The following VAMP4 variants were observed in gnomAD, a reference collection of about 807,000 sequenced individuals.
VAMP4 encodes the protein vesicle-associated membrane protein 4.
In VAMP4, 19 loss-of-function variants were observed where a neutral mutation model predicts 23.5. That is an observed-to-expected ratio of 0.81 (90% CI 0.56 to 1.19). VAMP4 has a LOEUF of 1.19. Among genes scored for constraint, VAMP4 ranks in the 50% most tolerant of loss-of-function variants. VAMP4 has a pLI of 0.00. For missense variants in VAMP4, 145 were observed against 168.6 expected (o/e 0.86, Z 0.78); for synonymous variants, 31 against 51.0 (o/e 0.61, Z 1.67).
At chr1:171,732,598 A>C (rs1220335726) in intron 2 of VAMP4, among the ~76,000 whole-genome samples, 1 of 152,140 alleles carries the variant, frequency 6.6e-6, no homozygotes, top group Non-Finnish European at 1.5e-5. Context: ...AATGTAAATA[A>C]AGGTGATTAG....
chr1:171,738,041 T>A (rs1655797977), intron 2 of VAMP4, among the ~76,000 whole-genome samples: 2 of 152,204 alleles, frequency 1.3e-5, no homozygotes, highest in South Asian at 2.1e-4. Context: ...AGATCACAGT[T>A]CACCACAGCC....
At chr1:171,723,361 T>C (rs772174978) in intron 3 of VAMP4, among the ~76,000 whole-genome samples, 2 of 152,146 alleles carry the variant, frequency 1.3e-5, no homozygotes, top group African/African-American at 2.4e-5. Context: ...CTCGTTCTAA[T>C]AGGCCTGGGA....
chr1:171,720,377 A>G (rs1179015753), intron 3 of VAMP4, among the ~76,000 whole-genome samples: 2 of 152,024 alleles, frequency 1.3e-5, no homozygotes, highest in Non-Finnish European at 2.9e-5. Context: ...AAAAAGCAGG[A>G]GCTATGTCTG....
chr1:171,737,565 A>G (rs1178118929), intron 2 of VAMP4, among the ~76,000 whole-genome samples: 1 of 152,184 alleles, frequency 6.6e-6, no homozygotes, highest in East Asian at 1.9e-4. Flanking sequence ...CTGAAAATCA[A>G]AAAGTTTTGG....
At chr1:171,717,747 A>G (rs1655065354) in intron 4 of VAMP4, among the ~76,000 whole-genome samples, 1 of 152,100 alleles carries the variant, frequency 6.6e-6, no homozygotes, top group Admixed American at 6.6e-5. Flanking sequence ...CACTGCACCC[A>G]GCTGTATCAT....
intron 1 of VAMP4, among the ~76,000 whole-genome samples, chr1:171,740,521 C>A (rs994847316): frequency 6.6e-6 from 1 of 152,150 alleles, no homozygotes; most frequent in African/African-American, 2.4e-5. Context: ...GTAACAAAAA[C>A]CAAATTCTTG....
Position 171,702,661 on chromosome 1 carries a change from A to G in VAMP4, c.*1845T>C, listed in dbSNP as rs1654484870. 1.3e-5 allele frequency: 2 copies of G among 152,004 alleles called. No homozygotes were observed. Among genetic ancestry groups the G allele is most frequent in the Admixed American group, 1.3e-4 (2 of 15,252 alleles). The allele number at this position is 152,004 out of a possible 1,614,324, so 9.4% of individuals were successfully genotyped here. On this transcript the variant is annotated 3_prime_UTR_variant, in exon 8 of 8. Transcript: ENST00000236192. ...GACTGATTCTGTCCATTCAGTTAAA[A>G]TATTTCCATTCCTGAATTATTAGCT...
intron 4 of VAMP4, among the ~76,000 whole-genome samples, chr1:171,712,469 T>TAA (rs1392157998): frequency 6.6e-6 from 1 of 152,196 alleles, no homozygotes; most frequent in Non-Finnish European, 1.5e-5. Context: ...TAGCAATTAC[T>TAA]AAGCTTGATG....
intron 7 of VAMP4, among the ~76,000 whole-genome samples, chr1:171,705,073 A>C (rs1654608276): frequency 1.3e-5 from 2 of 152,088 alleles, no homozygotes; most frequent in African/African-American, 4.8e-5. Flanking sequence ...CAAACACTAA[A>C]TTAGTGAATA....
intron 7 of VAMP4, among the ~76,000 whole-genome samples, chr1:171,705,536 G>A (rs1654621902): frequency 6.6e-6 from 1 of 152,016 alleles, no homozygotes; most frequent in Admixed American, 6.6e-5. Flanking sequence ...ACAATTTTTT[G>A]TTACTCTGAA....
intron 2 of VAMP4, among the ~76,000 whole-genome samples, chr1:171,731,010 C>T (rs1655545182): frequency 6.7e-6 from 1 of 150,248 alleles, no homozygotes; most frequent in Non-Finnish European, 1.5e-5. Flanking sequence ...CGAGACCATC[C>T]TGGCTAACAT....
At chr1:171,722,063 A>T (rs1203570294) in intron 3 of VAMP4, among the ~76,000 whole-genome samples, 2 of 152,216 alleles carry the variant, frequency 1.3e-5, no homozygotes, top group Non-Finnish European at 2.9e-5. Context: ...AGAGATATAG[A>T]CCAATGGAAC....
intron 6 of VAMP4, among the ~76,000 whole-genome samples, chr1:171,707,482 C>T (rs181744756): frequency 2.4e-4 from 36 of 152,210 alleles, no homozygotes; most frequent in African/African-American, 7.5e-4. Flanking sequence ...TCCTGATCTG[C>T]GTTCTGCCCT....
intron 7 of VAMP4, 152 bp from the exon 8 acceptor site, chr1:171,704,686 G>C (rs1654591766): frequency 4.2e-6 from 2 of 475,644 alleles, no homozygotes; most frequent in Non-Finnish European, 7.0e-6. Flanking sequence ...TAATCAATGG[G>C]AAAGGAGAAG....
At chr1:171,713,736 C>A (rs968651714) in intron 4 of VAMP4, among the ~76,000 whole-genome samples, 2 of 152,036 alleles carry the variant, frequency 1.3e-5, no homozygotes, top group South Asian at 2.1e-4. Context: ...TGGGAGGCTG[C>A]GGTGGGAGAT....
At chr1:171,713,840 A>AT (rs1553259074) in intron 4 of VAMP4, among the ~76,000 whole-genome samples, 2 of 152,130 alleles carry the variant, frequency 1.3e-5, no homozygotes, top group Non-Finnish European at 2.9e-5. Context: ...AGGAAAAAAA[A>AT]CATAACCCTT....
chr1:171,728,509 TA>T lies in VAMP4; in HGVS notation c.113+14del, dbSNP rs750811239. On this transcript the variant is annotated intron_variant, in intron 3 of 7. Coordinates refer to ENST00000236192, the MANE Select transcript of VAMP4 (RefSeq NM_003762.5). ...TGTCAATTACACCCTAATAAAGCTG[TA>T]AAAAAAAACTTACAGAAAAAAGTCC... is the stretch of plus-strand genomic sequence containing the variant. The T allele has an allele frequency of 3.1e-5, 46 of 1,498,172 alleles. No homozygotes were observed. Among genetic ancestry groups the T allele is most frequent in the East Asian group, 7.3e-5 (3 of 40,936 alleles). 92.8% of individuals were successfully genotyped at this position (1,498,172 alleles called of 1,614,324 possible). A position where few individuals can be genotyped will look rare whatever the true frequency, so the allele number is the denominator to read the frequency against.
Position 171,710,734 on chromosome 1 carries a change from T to A in VAMP4, c.245A>T (p.Asp82Val). The change falls in exon 5 of 8, where the codon GAT becomes GTT. Residue 82 changes from aspartate to valine, a missense_variant. Transcript: ENST00000236192. ...TGTACCTGATTTGTCCTGTAGTTCA[T>A]CTAGTCTCTCCCCTCTCTCAATTAC... is the stretch of plus-strand genomic sequence containing the variant. ...TKVIERGERL[D>V]ELQDKSESLS... 6.2e-7 allele frequency: 1 copy of A among 1,607,956 alleles called. No individual in the cohort carries two copies. The highest frequency in any genetic ancestry group is 2.2e-5 in the East Asian group (1 of 44,588).
chr1:171,724,848 G>C (rs1655316061), intron 3 of VAMP4, among the ~76,000 whole-genome samples: 1 of 152,154 alleles, frequency 6.6e-6, no homozygotes, highest in African/African-American at 2.4e-5. Context: ...TCAGGATAGT[G>C]ATTACTATGG....
Sources: allele counts gnomAD v4.1 joint callset (sites outside exome capture counted in the v4.1 genomes callset), GRCh38; gene constraint gnomAD v4.1.1; transcripts MANE v1.5; gene names NCBI Gene and HGNC (gene_info 2026-07-23, HGNC 2026-07-21).